Variants in NRG1 observed in about 807,000 individuals in gnomAD.
NRG1 encodes the protein pro-neuregulin-1, membrane-bound isoform.
In NRG1, 18 loss-of-function variants were observed where a neutral mutation model predicts 63.8. The observed-to-expected ratio is 0.28, with a 90% CI of 0.19 to 0.42. NRG1 has a LOEUF of 0.42. Ranked by LOEUF, NRG1 falls within the 10% of genes least tolerant of loss-of-function variation. NRG1 has a pLI of 1.00. For synonymous variants in NRG1, 302 were observed against 301.3 expected (o/e 1.00, Z -0.02); for missense variants, 762 against 814.7 (o/e 0.94, Z 0.79).
At chr8:32,520,977 G>A (rs7007147) in intron 1 of NRG1, among the ~76,000 whole-genome samples, 15,840 of 152,124 alleles carry the variant, frequency 0.1, 2,090 homozygotes, top group East Asian at 0.61. Flanking sequence ...AACCCTTCAT[G>A]TAATCATAGC....
At chr8:31,704,070 G>A (rs1047478072) in intron 1 of NRG1, among the ~76,000 whole-genome samples, 1 of 152,134 alleles carries the variant, frequency 6.6e-6, no homozygotes, top group African/African-American at 2.4e-5. Flanking sequence ...AATCCAATGA[G>A]TTTCCTTTCT....
intron 1 of NRG1, among the ~76,000 whole-genome samples, chr8:31,709,121 T>G (rs1052207977): frequency 6.6e-6 from 1 of 152,064 alleles, no homozygotes; most frequent in Non-Finnish European, 1.5e-5. Context: ...TTCAGACCCA[T>G]GTTGTTCAAG....
chr8:32,206,006 C>A (rs933431454), intron 1 of NRG1, among the ~76,000 whole-genome samples: 2 of 151,842 alleles, frequency 1.3e-5, no homozygotes, highest in Admixed American at 1.3e-4. Flanking sequence ...AGTCAGGAGG[C>A]TGAGGTGGGA....
At chr8:31,642,203 A>G (rs1033118790) in intron 1 of NRG1, among the ~76,000 whole-genome samples, 1 of 152,204 alleles carries the variant, frequency 6.6e-6, no homozygotes, top group South Asian at 2.1e-4. Flanking sequence ...GCTCAGCACC[A>G]TCGTACTGCA....
intron 1 of NRG1, among the ~76,000 whole-genome samples, chr8:32,155,146 A>C (rs1160172248): frequency 6.6e-6 from 1 of 150,958 alleles, no homozygotes; most frequent in African/African-American, 2.5e-5. Flanking sequence ...AATTAACCTG[A>C]AACTCAGTAA....
rs1184828038 is a variant in NRG1, at chr8:32,055,022, G to C, written c.37+415591G>C. 7.3e-5 allele frequency among the ~76,000 whole-genome samples: 11 copies of C among 151,382 alleles called. No individual in the cohort carries two copies. The South Asian group carries it at 2.3e-3, about 32-fold the overall frequency. On this transcript the variant is annotated intron_variant, in intron 1 of 10. Coordinates refer to the NRG1 transcript ENST00000519301. ...CCTGCCTCAACCTCCCGAGTTGCTGGGTCTACAGGCATATGCCACCATGCC... is the reference window on the plus strand; with the variant it reads ...CCTGCCTCAACCTCCCGAGTTGCTGCGTCTACAGGCATATGCCACCATGCC...
In NRG1 at chr8:32,573,922, G is replaced by A. The variant is rs186085161; in HGVS notation, c.101-21906G>A. On this transcript the variant is annotated intron_variant, in intron 1 of 11. Coordinates refer to ENST00000356819, the Ensembl canonical transcript of NRG1. ...GCAGTGTTTGGTTTTTTGTCCTTGCGATAGTTTGCTGAGAATGATGATTTC... is the reference window on the plus strand; with the variant it reads ...GCAGTGTTTGGTTTTTTGTCCTTGCAATAGTTTGCTGAGAATGATGATTTC... Among the ~76,000 whole-genome samples the A allele has an allele frequency of 4.5e-4, 69 of 152,102 alleles. No homozygotes were observed. In the East Asian group the frequency reaches 9.5e-3, roughly 21 times the overall value.
intron 1 of NRG1, among the ~76,000 whole-genome samples, chr8:32,490,183 T>C (rs1826380995): frequency 1.3e-5 from 2 of 152,124 alleles, no homozygotes; most frequent in Admixed American, 1.3e-4. Context: ...TGTATGCCTG[T>C]AGTTCTAGCT....
intron 1 of NRG1, among the ~76,000 whole-genome samples, chr8:32,521,503 G>A (rs995979807): frequency 4.6e-5 from 7 of 152,098 alleles, no homozygotes; most frequent in African/African-American, 1.2e-4. Flanking sequence ...CCCATGAAAA[G>A]CAATGAATAC....
At chr8:32,511,882 T>G (rs1193928326) in intron 1 of NRG1, among the ~76,000 whole-genome samples, 1 of 152,144 alleles carries the variant, frequency 6.6e-6, no homozygotes, top group African/African-American at 2.4e-5. Flanking sequence ...CAGGGAGCTG[T>G]GATGCACGGC....
At chr8:31,852,953 C>T (rs1199882623) in intron 1 of NRG1, among the ~76,000 whole-genome samples, 1 of 152,016 alleles carries the variant, frequency 6.6e-6, no homozygotes, top group Non-Finnish European at 1.5e-5. Flanking sequence ...GGGCTCTGTT[C>T]TGTTCCATTG....
chr8:31,855,552 T>C (rs966079204), intron 1 of NRG1, among the ~76,000 whole-genome samples: 1 of 152,242 alleles, frequency 6.6e-6, no homozygotes, highest in African/African-American at 2.4e-5. Context: ...CTGATGGGTC[T>C]TGACTTTTTA....
chr8:31,788,108 A>G (rs13260677), intron 1 of NRG1, among the ~76,000 whole-genome samples: 20,707 of 152,052 alleles, frequency 0.14, 1,566 homozygotes, highest in Admixed American at 0.17. Context: ...CTTCTATTTT[A>G]TCTTGTATCT....
At chr8:32,771,638 T>A (rs1831799166), downstream of NRG1, among the ~76,000 whole-genome samples, 1 of 148,340 alleles carries the variant, frequency 6.7e-6, no homozygotes, top group African/African-American at 2.5e-5. Context: ...ACAAAAATGA[T>A]CTTAGATCGA....
chr8:31,679,079 C>A (rs1411174793), intron 1 of NRG1, among the ~76,000 whole-genome samples: 3 of 151,884 alleles, frequency 2.0e-5, no homozygotes, highest in African/African-American at 7.2e-5. Flanking sequence ...TATTTCCTTG[C>A]GATACTTACT....
At chr8:32,086,814 G>A (rs1346853441) in intron 1 of NRG1, among the ~76,000 whole-genome samples, 1 of 152,112 alleles carries the variant, frequency 6.6e-6, no homozygotes, top group Non-Finnish European at 1.5e-5. Context: ...GGAAGAATAA[G>A]CTCTGCAACT....
intron 1 of NRG1, among the ~76,000 whole-genome samples, chr8:31,726,976 A>G (rs1185907560): frequency 6.6e-6 from 1 of 152,178 alleles, no homozygotes; most frequent in Non-Finnish European, 1.5e-5. Context: ...TAGGCAGCAC[A>G]CCAGTGTGTC....
intron 1 of NRG1, among the ~76,000 whole-genome samples, chr8:32,018,924 AGTG>A (rs1816003736): frequency 6.6e-6 from 1 of 152,216 alleles, no homozygotes; most frequent in Non-Finnish European, 1.5e-5. Context: ...TAGCCATTCT[AGTG>A]GATGTAAGTT....
chr8:32,274,902 C>T (rs964399968), intron 1 of NRG1, among the ~76,000 whole-genome samples: 1 of 152,094 alleles, frequency 6.6e-6, no homozygotes, highest in African/African-American at 2.4e-5. Context: ...TGGCTGTTTT[C>T]CCCTTCAAAA....
Sources: gnomAD v4.1 joint callset for allele counts (sites outside exome capture counted in the v4.1 genomes callset) on GRCh38, gnomAD v4.1.1 for gene constraint, MANE v1.5 for transcripts, NCBI Gene and HGNC (gene_info 2026-07-23, HGNC 2026-07-21) for gene names.